CRACDL: variants seen among roughly 807,000 people sequenced by gnomAD.
CRACDL encodes CRACD like.
In CRACDL, 26 loss-of-function variants were observed where a neutral mutation model predicts 70.6. That is an observed-to-expected ratio of 0.37 (90% CI 0.27 to 0.51). The LOEUF is 0.51. Among genes scored for constraint, CRACDL ranks in the 20% least tolerant of loss-of-function variants. The pLI, the probability that CRACDL is intolerant of heterozygous loss-of-function variation, is 0.94. For missense variants in CRACDL, 1,283 were observed against 1,376.9 expected (o/e 0.93, Z 1.08); for synonymous variants, 618 against 615.2 (o/e 1.00, Z -0.07).
chr2:98,831,875 T>G lies in CRACDL; in HGVS notation c.540+473A>C, dbSNP rs556102642. 1.4e-4 allele frequency among the ~76,000 whole-genome samples: 22 copies of G among 152,228 alleles called. 1 individual carries two copies. In the South Asian group the frequency reaches 4.1e-3, roughly 29 times the overall value. On this transcript the variant is annotated intron_variant, in intron 5 of 9. Transcript: ENST00000397899. ...TCCCTGCTGCCCTGTTTGCCAGCAA[T>G]ACAGCACATTACTACCCCTAGGCCA...
chr2:98,906,276 T>C (rs74861154), intron 1 of CRACDL, among the ~76,000 whole-genome samples: 1 of 140,954 alleles, frequency 7.1e-6, no homozygotes, highest in Admixed American at 7.0e-5. Flanking sequence ...TTTTTTTTTT[T>C]GTTTGAGACA....
chr2:98,917,637 C>A (rs1462471473), intron 1 of CRACDL, among the ~76,000 whole-genome samples: 1 of 152,224 alleles, frequency 6.6e-6, no homozygotes, highest in Non-Finnish European at 1.5e-5. Flanking sequence ...CTTTTACGAG[C>A]AAATTCCTTT....
At chr2:98,887,681 C>G (rs1448635733) in intron 1 of CRACDL, among the ~76,000 whole-genome samples, 1 of 151,954 alleles carries the variant, frequency 6.6e-6, no homozygotes, top group Non-Finnish European at 1.5e-5. Context: ...GGAGGATAAA[C>G]TCAAAGAGAT....
chr2:98,890,988 T>G (rs990103751), intron 1 of CRACDL, among the ~76,000 whole-genome samples: 1 of 150,778 alleles, frequency 6.6e-6, no homozygotes, highest in Non-Finnish European at 1.5e-5. Context: ...ACCCAGGAGA[T>G]GGAGGTTGCA....
At chr2:98,912,335 G>T (rs374669535) in intron 1 of CRACDL, among the ~76,000 whole-genome samples, 1 of 152,226 alleles carries the variant, frequency 6.6e-6, no homozygotes. Flanking sequence ...CTGGGGGTAG[G>T]TGAAGGCACT....
Position 98,822,166 on chromosome 2 carries a change from C to T in CRACDL, c.2107G>A (p.Val703Met). The change falls in exon 7 of 10, where the codon GTG becomes ATG. Residue 703 changes from valine (V) to methionine (M), a missense_variant. By Grantham distance (21) the Val-to-Met change is conservative (BLOSUM62 1). Around this residue, in one of 2 missense-constraint regions of CRACDL, gnomAD observed 921 missense variants for 881.9 expected, o/e 1.04. Coordinates refer to ENST00000397899, the MANE Select transcript of CRACDL (RefSeq NM_207362.3). This position sits in a 1 kb window ranked among gnomAD's most constrained non-coding sequence, Gnocchi z 4.9. Reference protein sequence around the residue: ...LKYRDGASQEVKGVKRYSAEV... With the variant: ...LKYRDGASQEMKGVKRYSAEV... Reference sequence around the variant, plus strand: ...GCACTGTACCTCTTCACACCCTTCACCTCCTGAGAGGCGCCATCCCTGTAT... The same window carrying T: ...GCACTGTACCTCTTCACACCCTTCATCTCCTGAGAGGCGCCATCCCTGTAT... 6.2e-7 allele frequency: 1 copy of T among 1,609,678 alleles called. No individual in the cohort carries two copies. The highest frequency in any genetic ancestry group is 8.5e-7 in the Non-Finnish European group (1 of 1,178,310).
intron 1 of CRACDL, among the ~76,000 whole-genome samples, chr2:98,888,471 T>C (rs1452763375): frequency 6.6e-6 from 1 of 152,212 alleles, no homozygotes; most frequent in Non-Finnish European, 1.5e-5. Context: ...TTAATTAAGA[T>C]GCAATCTGAA....
chr2:98,862,052 G>A (rs144886636), intron 1 of CRACDL, among the ~76,000 whole-genome samples: 32 of 152,256 alleles, frequency 2.1e-4, no homozygotes, highest in Admixed American at 3.9e-4. Context: ...GATTTAATGG[G>A]CTGGTACCCT....
At chr2:98,916,910 T>A (rs1428684408) in intron 1 of CRACDL, among the ~76,000 whole-genome samples, 1 of 152,214 alleles carries the variant, frequency 6.6e-6, no homozygotes, top group Non-Finnish European at 1.5e-5. Flanking sequence ...CCATCTCCTT[T>A]GCTAAACTGA....
chr2:98,920,365 C>T (rs1007622784), intron 1 of CRACDL, among the ~76,000 whole-genome samples: 3 of 152,174 alleles, frequency 2.0e-5, no homozygotes, highest in African/African-American at 7.2e-5. Context: ...GAGGACTACA[C>T]TGTGCATACT....
chr2:98,811,430 A>C (rs1432220183), intron 7 of CRACDL, among the ~76,000 whole-genome samples: 1 of 150,720 alleles, frequency 6.6e-6, no homozygotes, highest in East Asian at 1.9e-4. Context: ...GAATTGCTTG[A>C]ATCTGGGAGG....
intron 1 of CRACDL, among the ~76,000 whole-genome samples, chr2:98,894,491 G>A (rs116165197): frequency 0.018 from 2,711 of 152,336 alleles, 88 homozygotes; most frequent in African/African-American, 0.061. Flanking sequence ...CTAAAGTCAC[G>A]CACAGAGGGG....
chr2:98,817,187 G>A lies in CRACDL; in HGVS notation c.2416+4670C>T, dbSNP rs1193895099. Among the ~76,000 whole-genome samples, 3 of 152,202 alleles carry A rather than the reference G, an allele frequency of 2.0e-5. No individual in the cohort carries two copies. The East Asian group carries it at 5.8e-4, about 29-fold the overall frequency. ...AATTGAAGAGCGGAAAGGTGGTCATGAGGAGCTGGGCGGGGGAGAGGGAAA... is the reference window on the plus strand; with the variant it reads ...AATTGAAGAGCGGAAAGGTGGTCATAAGGAGCTGGGCGGGGGAGAGGGAAA... On this transcript the variant is annotated intron_variant, in intron 7 of 9. Transcript: ENST00000397899.
intron 1 of CRACDL, among the ~76,000 whole-genome samples, chr2:98,897,863 C>T (rs900476236): frequency 2.6e-5 from 4 of 152,234 alleles, no homozygotes; most frequent in East Asian, 1.9e-4. Context: ...GCCCTCCAGG[C>T]GGACAGTCCC....
At chr2:98,814,904 C>T (rs1208082918) in intron 7 of CRACDL, among the ~76,000 whole-genome samples, 1 of 152,050 alleles carries the variant, frequency 6.6e-6, no homozygotes, top group Non-Finnish European at 1.5e-5. Flanking sequence ...CTTGATTCAC[C>T]AATATTACTG....
intron 9 of CRACDL, among the ~76,000 whole-genome samples, chr2:98,795,057 A>ATATATATATAAAAATT (rs1703744538): frequency 2.5e-5 from 1 of 40,404 alleles, no homozygotes; most frequent in African/African-American, 7.8e-5. Flanking sequence ...ATATATATAT[A>ATATATATATAAAAATT]TATATATATA....
chr2:98,877,794 G>A (rs1231778148), intron 1 of CRACDL, among the ~76,000 whole-genome samples: 10 of 151,722 alleles, frequency 6.6e-5, no homozygotes, highest in Admixed American at 2.0e-4. Context: ...GTATATCCTC[G>A]GTTCATAGTG....
In CRACDL at chr2:98,823,720, C is replaced by T. The variant is rs1216157463; in HGVS notation, c.736-183G>A. Among the ~76,000 whole-genome samples, 1 of 152,198 alleles carries T rather than the reference C, an allele frequency of 6.6e-6. No individual in the cohort carries two copies. The highest frequency in any genetic ancestry group is 1.5e-5 in the Non-Finnish European group (1 of 68,044). ...TGTATCCTACTGGTCTACTTGGGCT[C>T]ACAAGTTTATCAGGACAATGGCAGA... is the stretch of plus-strand genomic sequence containing the variant. On this transcript the variant is annotated intron_variant, in intron 6 of 9. Transcript: ENST00000397899. This position sits in a 1 kb window ranked among gnomAD's most constrained non-coding sequence, Gnocchi z 4.0.
At chr2:98,827,401 C>T (rs1380962828) in intron 5 of CRACDL, among the ~76,000 whole-genome samples, 1 of 152,114 alleles carries the variant, frequency 6.6e-6, no homozygotes, top group Admixed American at 6.5e-5. Flanking sequence ...CACCTGAGTT[C>T]AATCATTCTC....
Sources: allele counts gnomAD v4.1 joint callset (sites outside exome capture counted in the v4.1 genomes callset), GRCh38; gene constraint gnomAD v4.1.1; regional missense constraint gnomAD v4.1.1; non-coding constraint Gnocchi (gnomAD v3.1); transcripts MANE v1.5; gene names NCBI Gene and HGNC (gene_info 2026-07-23, HGNC 2026-07-21).